Variants in ADAMTS12 observed in about 807,000 individuals in gnomAD.
ADAMTS12 encodes ADAM metallopeptidase with thrombospondin type 1 motif 12.
A neutral mutation model predicts 167.8 loss-of-function variants in ADAMTS12; 118 were observed. That is an observed-to-expected ratio of 0.70 (90% CI 0.61 to 0.82). The LOEUF (loss-of-function observed/expected upper bound fraction) is 0.82. Ranked by LOEUF, ADAMTS12 falls within the 40% of genes least tolerant of loss-of-function variation. The pLI is 0.00. For synonymous variants in ADAMTS12, 704 were observed against 716.9 expected, an observed-to-expected ratio of 0.98 and a Z score of 0.29; for missense variants, 1,916 against 1,998.8, an observed-to-expected ratio of 0.96 and a Z score of 0.79.
chr5:33,711,179 C>T (rs1285389223), intron 3 of ADAMTS12, among the ~76,000 whole-genome samples: 1 of 152,064 alleles, frequency 6.6e-6, no homozygotes, highest in African/African-American at 2.4e-5. Context: ...CAGAGAGTGA[C>T]TGACTAACCC....
intron 3 of ADAMTS12, among the ~76,000 whole-genome samples, chr5:33,695,041 C>T (rs550855917): frequency 3.3e-5 from 5 of 152,276 alleles, no homozygotes; most frequent in African/African-American, 1.2e-4. Context: ...AAGTCAGACT[C>T]ACATAATATA....
intron 3 of ADAMTS12, among the ~76,000 whole-genome samples, chr5:33,694,503 T>A (rs989128592): frequency 6.6e-6 from 1 of 152,350 alleles, no homozygotes; most frequent in African/African-American, 2.4e-5. Context: ...AGCCAGCCAT[T>A]CTTCTATGAA....
chr5:33,662,759 G>A (rs1221161453), intron 5 of ADAMTS12, among the ~76,000 whole-genome samples: 1 of 152,240 alleles, frequency 6.6e-6, no homozygotes, highest in East Asian at 1.9e-4. Context: ...TGAATGGGGA[G>A]AAGAAGAAAA....
chr5:33,733,235 G>A (rs569748349), intron 3 of ADAMTS12, among the ~76,000 whole-genome samples: 1 of 152,024 alleles, frequency 6.6e-6, no homozygotes, highest in African/African-American at 2.4e-5. Flanking sequence ...GAATAATACA[G>A]TTACTATTTT....
rs1430901219 is a variant in ADAMTS12, at chr5:33,885,186, TGTG to T, written c.128-3709_128-3707del. On this transcript the variant is annotated intron_variant, in intron 1 of 23. Transcript: ENST00000504830. ...GTGTGAGATGATATATCAAAATAAT[TGTG>T]GTAATTTTTCAGAAATATGGAAACA... Among the ~76,000 whole-genome samples, 7 of 152,188 alleles carry T rather than the reference TGTG, an allele frequency of 4.6e-5. No individual in the cohort carries two copies. The South Asian group carries it at 6.2e-4, about 14-fold the overall frequency.
intron 2 of ADAMTS12, among the ~76,000 whole-genome samples, chr5:33,869,186 G>A (rs1193020062): frequency 6.6e-6 from 1 of 152,104 alleles, no homozygotes; most frequent in African/African-American, 2.4e-5. Context: ...ACTGCTCCCT[G>A]TGTCCCAGCC....
intron 2 of ADAMTS12, among the ~76,000 whole-genome samples, chr5:33,847,895 C>G (rs1466644755): frequency 5.9e-5 from 9 of 151,984 alleles, no homozygotes; most frequent in Non-Finnish European, 1.0e-4. Flanking sequence ...ATTGTGTTTC[C>G]AAGGATATCC....
chr5:33,709,501 T>TA (rs1202484670), intron 3 of ADAMTS12, among the ~76,000 whole-genome samples: 3 of 152,116 alleles, frequency 2.0e-5, no homozygotes, highest in Admixed American at 6.6e-5. Flanking sequence ...GTGGTACATA[T>TA]ACACCATGGA....
At chr5:33,554,918 C>T (rs142520661) in intron 20 of ADAMTS12, among the ~76,000 whole-genome samples, 42 of 151,908 alleles carry the variant, frequency 2.8e-4, no homozygotes, top group African/African-American at 8.5e-4. Context: ...ATAAAGTTAC[C>T]GCTAAAATAA....
At chr5:33,550,494 GCCCAGGTTCTTC>G (rs1458246213) in intron 20 of ADAMTS12, among the ~76,000 whole-genome samples, 1 of 152,164 alleles carries the variant, frequency 6.6e-6, no homozygotes, top group African/African-American at 2.4e-5. Context: ...GTGCTCGTCA[GCCCAGGTTCTTC>G]CCCAGGTTCT....
At chr5:33,831,009 A>G (rs552774418) in intron 2 of ADAMTS12, among the ~76,000 whole-genome samples, 4 of 152,126 alleles carry the variant, frequency 2.6e-5, no homozygotes, top group Non-Finnish European at 5.9e-5. Context: ...TTTCAAAATG[A>G]TCTCCTTCAT....
chr5:33,594,964 A>G (rs978696480), intron 17 of ADAMTS12, among the ~76,000 whole-genome samples: 3 of 152,172 alleles, frequency 2.0e-5, no homozygotes, highest in Non-Finnish European at 2.9e-5. Context: ...AATGCCTCAT[A>G]GTGTGTCTGC....
In ADAMTS12 at chr5:33,706,100, A is replaced by T. The variant is rs181998100; in HGVS notation, c.635-22045T>A. 2.5e-3 allele frequency among the ~76,000 whole-genome samples: 379 copies of T among 152,094 alleles called. 3 individuals carry two copies. The highest frequency in any genetic ancestry group is 8.6e-3 in the African/African-American group (355 of 41,516). On this transcript the variant is annotated intron_variant, in intron 3 of 23. Coordinates refer to ENST00000504830, the MANE Select transcript of ADAMTS12 (RefSeq NM_030955.4). The stretch of plus-strand genomic sequence containing the variant: ...ATCAAAATACCAATGACTTTTTTTT[A>T]AAAAAATAGAAAAACAATCTTGAAA...
chr5:33,722,630 G>T lies in ADAMTS12; in HGVS notation c.634+28774C>A, dbSNP rs186365838. ...GCTTGTTTCCTTTACGCACAGTTTG[G>T]CTATGCAGAAACGAAGACGATCTTT... On this transcript the variant is annotated intron_variant, in intron 3 of 23. Coordinates refer to ENST00000504830, the MANE Select transcript of ADAMTS12 (RefSeq NM_030955.4). Among the ~76,000 whole-genome samples, 11 of 152,280 alleles carry T rather than the reference G, an allele frequency of 7.2e-5. No individual in the cohort carries two copies. The East Asian group carries it at 2.1e-3, about 29-fold the overall frequency.
At chr5:33,733,790 G>A (rs1281035130) in intron 3 of ADAMTS12, among the ~76,000 whole-genome samples, 1 of 152,004 alleles carries the variant, frequency 6.6e-6, no homozygotes, top group Non-Finnish European at 1.5e-5. Flanking sequence ...GAGACACGGG[G>A]GCTGCCAGCT....
intron 18 of ADAMTS12, among the ~76,000 whole-genome samples, chr5:33,587,597 G>A (rs1747421196): frequency 6.6e-6 from 1 of 152,136 alleles, no homozygotes; most frequent in Admixed American, 6.5e-5. Context: ...TGGGACTACA[G>A]GCATGTGCCA....
At chr5:33,811,898 A>C (rs1241832453) in intron 2 of ADAMTS12, among the ~76,000 whole-genome samples, 1 of 152,206 alleles carries the variant, frequency 6.6e-6, no homozygotes, top group Non-Finnish European at 1.5e-5. Flanking sequence ...TGCTGAAGGC[A>C]GAGCCAGCCA....
chr5:33,716,211 A>C (rs1190658283), intron 3 of ADAMTS12, among the ~76,000 whole-genome samples: 1 of 152,078 alleles, frequency 6.6e-6, no homozygotes, highest in Non-Finnish European at 1.5e-5. Context: ...CCATGTGGAG[A>C]CACAGAGAAA....
intron 1 of ADAMTS12, among the ~76,000 whole-genome samples, chr5:33,883,563 C>A (rs914550014): frequency 6.6e-6 from 1 of 151,550 alleles, no homozygotes; most frequent in African/African-American, 2.4e-5. Flanking sequence ...CAACACTCCA[C>A]GAAAAACAAG....
Sources: gnomAD v4.1 joint callset for allele counts (sites outside exome capture counted in the v4.1 genomes callset) on GRCh38, gnomAD v4.1.1 for gene constraint, MANE v1.5 for transcripts, NCBI Gene and HGNC (gene_info 2026-07-23, HGNC 2026-07-21) for gene names.